The following GPR137B variants were observed in gnomAD, a reference collection of about 807,000 sequenced individuals.
GPR137B encodes integral membrane protein GPR137B.
GPR137B carries 42 observed loss-of-function variants against 42.5 expected under a neutral mutation model. The observed-to-expected ratio is 0.99, with a 90% CI of 0.77 to 1.28. The LOEUF is 1.28. GPR137B is among the 50% of genes most tolerant of loss of function. GPR137B has a pLI of 0.00. For synonymous variants in GPR137B, 218 were observed against 209.7 expected, an observed-to-expected ratio of 1.04 and a Z score of -0.34; for missense variants, 487 against 493.9, an observed-to-expected ratio of 0.99 and a Z score of 0.13.
intron 5 of GPR137B, among the ~76,000 whole-genome samples, chr1:236,190,765 T>G (rs1572000955): frequency 6.6e-6 from 1 of 152,192 alleles, no homozygotes; most frequent in East Asian, 1.9e-4. Flanking sequence ...GCCCTTAACA[T>G]TTTTTCCTTC....
At chr1:236,157,226 C>CTT (rs35627938) in intron 1 of GPR137B, among the ~76,000 whole-genome samples, 29,931 of 138,858 alleles carry the variant, frequency 0.22, 3,783 homozygotes, top group African/African-American at 0.32. Flanking sequence ...AGATTCCACA[C>CTT]TTTTTTTTTT....
chr1:236,200,538 C>CAT (rs1252170665), intron 5 of GPR137B, among the ~76,000 whole-genome samples: 1 of 151,940 alleles, frequency 6.6e-6, no homozygotes. Context: ...ATATTAGGTG[C>CAT]ATATATATTT....
In GPR137B at chr1:236,151,422, T is replaced by C. The variant is rs1468379148; in HGVS notation, c.414+8386T>C. Among the ~76,000 whole-genome samples, 11 of 141,068 alleles carry C rather than the reference T, an allele frequency of 7.8e-5. 2 individuals carry two copies. Among genetic ancestry groups the C allele is most frequent in the African/African-American group, 3.0e-4 (11 of 36,898 alleles). 92.5% of individuals were successfully genotyped at this position (141,068 alleles called of 152,430 possible). On this transcript the variant is annotated intron_variant, in intron 1 of 6. Transcript: ENST00000366592. The stretch of plus-strand genomic sequence containing the variant: ...TATGGTCTCTGTTGCATATTCATTT[T>C]TTTTTTTTTTTTTTTTTTTTGAGAC...
chr1:236,180,449 C>G (rs1409710694), intron 4 of GPR137B, among the ~76,000 whole-genome samples: 1 of 152,044 alleles, frequency 6.6e-6, no homozygotes, highest in African/African-American at 2.4e-5. Flanking sequence ...ACTGAGTGAC[C>G]TTGAGAGGTC....
At chr1:236,182,813 TATTTTTATGGG>T (rs1662921603) in intron 4 of GPR137B, among the ~76,000 whole-genome samples, 1 of 152,174 alleles carries the variant, frequency 6.6e-6, no homozygotes, top group Non-Finnish European at 1.5e-5. Flanking sequence ...AAAATTCTTC[TATTTTTATGGG>T]ATATTTATGG....
At chr1:236,152,459 T>C (rs1013839280) in intron 1 of GPR137B, among the ~76,000 whole-genome samples, 17 of 151,806 alleles carry the variant, frequency 1.1e-4, no homozygotes, top group African/African-American at 4.1e-4. Context: ...GAGACCTGTC[T>C]CAAAAAAATG....
chr1:236,163,245 G>A (rs12028570), intron 1 of GPR137B, among the ~76,000 whole-genome samples: 1 of 152,164 alleles, frequency 6.6e-6, no homozygotes, highest in Non-Finnish European at 1.5e-5. Context: ...CACTTGGAAC[G>A]GCTGTATTTA....
chr1:236,183,820 T>C lies in GPR137B; in HGVS notation c.880T>C (p.Phe294Leu), dbSNP rs781602691. The C allele has an allele frequency of 1.2e-6, 2 of 1,604,200 alleles. No homozygotes were observed. Among genetic ancestry groups the C allele is most frequent in the Admixed American group, 1.7e-5 (1 of 59,940 alleles). ...NQLGDAGYVLFGVVLFVWELL... is the reference protein window; with the variant it reads ...NQLGDAGYVLLGVVLFVWELL... ...GCTGGGAGATGCTGGATACGTATTA[T>C]TTGGAGTGGTGTTATTTGTTTGGGA... is the stretch of plus-strand genomic sequence containing the variant. The change falls in exon 5 of 7, where the codon TTT becomes CTT. Residue 294 changes from phenylalanine to leucine, a missense_variant. By Grantham distance (22) the Phe-to-Leu change is conservative (BLOSUM62 0). Transcript: ENST00000366592.
intron 5 of GPR137B, among the ~76,000 whole-genome samples, chr1:236,186,483 C>T (rs1233882725): frequency 1.4e-5 from 2 of 147,604 alleles, no homozygotes; most frequent in African/African-American, 5.0e-5. Context: ...GCTCTCCCTC[C>T]CCTACCTCCC....
chr1:236,170,249 C>T (rs1662495232), intron 2 of GPR137B, among the ~76,000 whole-genome samples: 1 of 152,024 alleles, frequency 6.6e-6, no homozygotes, highest in African/African-American at 2.4e-5. Flanking sequence ...ATTATTTTGT[C>T]ATTTTTTAAA....
chr1:236,207,986 A>C, intron 6 of GPR137B, 64 bp from the exon 7 acceptor site: 1 of 1,197,420 alleles, frequency 8.4e-7, no homozygotes, highest in Non-Finnish European at 1.2e-6. Context: ...GTCTACCTAA[A>C]CTAGACTATG....
intron 5 of GPR137B, 98 bp from the exon 6 acceptor site, chr1:236,205,028 T>C (rs80043049): frequency 0.022 from 20,598 of 945,772 alleles, 308 homozygotes; most frequent in South Asian, 0.03. Flanking sequence ...TTCAAATGAA[T>C]AGAACATCTT....
At chr1:236,196,619 C>T (rs1192543008) in intron 5 of GPR137B, among the ~76,000 whole-genome samples, 5 of 152,106 alleles carry the variant, frequency 3.3e-5, no homozygotes, top group Non-Finnish European at 5.9e-5. Flanking sequence ...CTCTTCCACC[C>T]TTCCCCCAGG....
At position 236,168,641 on chromosome 1, in the gene GPR137B, A is replaced by T. The variant is rs924386307; in HGVS notation, c.415-65A>T. The T allele has an allele frequency of 1.1e-5, 13 of 1,189,876 alleles. No homozygotes were observed. In the African/African-American group the frequency reaches 1.9e-4, roughly 18 times the overall value. 73.7% of individuals were successfully genotyped at this position (1,189,876 alleles called of 1,614,324 possible). A position where few individuals can be genotyped will look rare whatever the true frequency, so the allele number is the denominator to read the frequency against. On this transcript the variant is annotated intron_variant, in intron 1 of 6. Transcript: ENST00000366592. ...TGAAGGGGCAGAGGAATTCCCAGTGATGGTATCAGTCTGGTTCTGTCAACA... is the reference window on the plus strand; with the variant it reads ...TGAAGGGGCAGAGGAATTCCCAGTGTTGGTATCAGTCTGGTTCTGTCAACA...
At chr1:236,207,882 CTG>C (rs1265209249) in intron 6 of GPR137B, among the ~76,000 whole-genome samples, 166 bp from the exon 7 acceptor site, 1 of 151,952 alleles carries the variant, frequency 6.6e-6, no homozygotes, top group Admixed American at 6.6e-5. Context: ...CATTTCAGCC[CTG>C]TGTGTAGCAT....
chr1:236,194,660 C>G (rs1663287567), intron 5 of GPR137B, among the ~76,000 whole-genome samples: 1 of 152,128 alleles, frequency 6.6e-6, no homozygotes, highest in African/African-American at 2.4e-5. Context: ...CTGACAAAGA[C>G]AACTTTACTT....
At chr1:236,175,998 A>G (rs775965863) in intron 2 of GPR137B, among the ~76,000 whole-genome samples, 37 of 152,302 alleles carry the variant, frequency 2.4e-4, no homozygotes, top group African/African-American at 7.2e-4. Flanking sequence ...CCGTGGAAAC[A>G]TGAAAACATG....
intron 1 of GPR137B, among the ~76,000 whole-genome samples, chr1:236,148,481 G>A (rs1445023081): frequency 6.6e-6 from 1 of 152,232 alleles, no homozygotes; most frequent in East Asian, 1.9e-4. Flanking sequence ...TGCCATTGCA[G>A]TCACATGGTT....
At chr1:236,178,785 GTTTTTTTTTTTTTTT>G (rs3082534) in intron 3 of GPR137B, 149 bp downstream of exon 3, 73 of 49,520 alleles carry the variant, frequency 1.5e-3, no homozygotes, top group East Asian at 0.013. Context: ...GCTACTCGAG[GTTTTTTTTTTTTTTT>G]TTTTTTTTTT....
Sources: gnomAD v4.1 joint callset for allele counts (sites outside exome capture counted in the v4.1 genomes callset) on GRCh38, gnomAD v4.1.1 for gene constraint, MANE v1.5 for transcripts, NCBI Gene and HGNC (gene_info 2026-07-23, HGNC 2026-07-21) for gene names.